Variants in RASAL2 observed in about 807,000 individuals in gnomAD.
The protein encoded by RASAL2 is ras GTPase-activating protein nGAP.
In RASAL2, 58 loss-of-function variants were observed where a neutral mutation model predicts 128.9. The observed-to-expected ratio is 0.45, with a 90% CI of 0.36 to 0.56. The LOEUF is 0.56. RASAL2 is among the 20% of genes least tolerant of loss of function. The probability of loss-of-function intolerance (pLI) is 0.00; values close to 1 mark genes in which losing one functional copy is unlikely to be tolerated. For missense variants in RASAL2, 1,360 were observed against 1,601.6 expected, an observed-to-expected ratio of 0.85 and a Z score of 2.57; for synonymous variants, 561 against 580.8, an observed-to-expected ratio of 0.97 and a Z score of 0.49.
chr1:178,320,388 C>G (rs1462842863), intron 3 of RASAL2, among the ~76,000 whole-genome samples: 2 of 152,244 alleles, frequency 1.3e-5, no homozygotes, highest in Non-Finnish European at 2.9e-5. Context: ...CACCCTCCCC[C>G]AGCCTCGCTG....
At chr1:178,265,048 A>G (rs1469970680) in intron 1 of RASAL2, among the ~76,000 whole-genome samples, 2 of 152,210 alleles carry the variant, frequency 1.3e-5, no homozygotes, top group East Asian at 3.8e-4. Context: ...GTTCTGTGCT[A>G]GGAACCGGGG....
chr1:178,333,060 G>A lies in RASAL2; in HGVS notation c.457+32942G>A, dbSNP rs929960541. ...TAATTTTTTTTTGAGACGGAGTCTC[G>A]CTCTATCGCCCAGGCTGGAGTGCAG... On this transcript the variant is annotated intron_variant, in intron 3 of 17. Coordinates refer to ENST00000367649, the MANE Select transcript of RASAL2 (RefSeq NM_170692.4). Among the ~76,000 whole-genome samples, 13 of 150,444 alleles carry A rather than the reference G, an allele frequency of 8.6e-5. No homozygotes were observed. The South Asian group carries it at 2.8e-3, about 32-fold the overall frequency.
chr1:178,455,015 T>C (rs1572105567), intron 12 of RASAL2, among the ~76,000 whole-genome samples: 1 of 152,110 alleles, frequency 6.6e-6, no homozygotes, highest in East Asian at 1.9e-4. Flanking sequence ...AATAAAAGTA[T>C]AGATTTAGCT....
chr1:178,364,095 C>CAAAAAAA (rs1331381002), intron 3 of RASAL2, among the ~76,000 whole-genome samples: 3 of 108,252 alleles, frequency 2.8e-5, no homozygotes, highest in African/African-American at 9.8e-5. Flanking sequence ...GACTCCATCT[C>CAAAAAAA]AAAAAAAAAA....
At chr1:178,395,939 T>C (rs555657995) in intron 4 of RASAL2, among the ~76,000 whole-genome samples, 1 of 151,906 alleles carries the variant, frequency 6.6e-6, no homozygotes, top group East Asian at 1.9e-4. Flanking sequence ...CTTTAAGTCA[T>C]TTTGTAATCA....
At chr1:178,145,239 C>A (rs1313575876) in intron 1 of RASAL2, among the ~76,000 whole-genome samples, 1 of 152,024 alleles carries the variant, frequency 6.6e-6, no homozygotes, top group Non-Finnish European at 1.5e-5. Context: ...GCATTTGACT[C>A]ATTTGGGACT....
intron 9 of RASAL2, among the ~76,000 whole-genome samples, chr1:178,448,346 G>T (rs1359568126): frequency 6.6e-6 from 1 of 152,198 alleles, no homozygotes; most frequent in East Asian, 1.9e-4. Context: ...GCTCACACTG[G>T]TTTCAGGAGG....
chr1:178,155,905 CT>C (rs1661069121), intron 1 of RASAL2, among the ~76,000 whole-genome samples: 1 of 152,156 alleles, frequency 6.6e-6, no homozygotes. Flanking sequence ...AATTAGTAAT[CT>C]GCTATTTGAG....
intron 2 of RASAL2, among the ~76,000 whole-genome samples, chr1:178,284,344 G>C (rs906476902): frequency 2.0e-5 from 3 of 152,180 alleles, no homozygotes; most frequent in African/African-American, 7.2e-5. Context: ...CTTTTCTTCT[G>C]CCTTCTGATT....
chr1:178,144,511 A>G (rs1047771792), intron 1 of RASAL2, among the ~76,000 whole-genome samples: 11 of 152,222 alleles, frequency 7.2e-5, no homozygotes, highest in African/African-American at 2.7e-4. Flanking sequence ...AATACTGTGT[A>G]TCATCACTGT....
chr1:178,326,090 G>A (rs1365427841), intron 3 of RASAL2, among the ~76,000 whole-genome samples: 2 of 152,068 alleles, frequency 1.3e-5, no homozygotes, highest in African/African-American at 2.4e-5. Context: ...ACTCCAGCCT[G>A]GGTGACAGAG....
chr1:178,260,381 T>A (rs865979853), intron 1 of RASAL2, among the ~76,000 whole-genome samples: 748 of 11,178 alleles, frequency 0.067, 194 homozygotes, highest in African/African-American at 0.12. Context: ...TATATATATA[T>A]ATATATATAT....
At chr1:178,205,538 C>T (rs913377258) in intron 1 of RASAL2, among the ~76,000 whole-genome samples, 5 of 151,800 alleles carry the variant, frequency 3.3e-5, no homozygotes, top group South Asian at 2.1e-4. Flanking sequence ...GGGCTGATCA[C>T]GACGTCAGGA....
chr1:178,164,867 A>G (rs1026339263), intron 1 of RASAL2, among the ~76,000 whole-genome samples: 15 of 139,540 alleles, frequency 1.1e-4, no homozygotes, highest in East Asian at 6.3e-4. Context: ...GTGTGTGTGT[A>G]TACAGTGGGC....
chr1:178,156,941 T>C (rs1206794255), intron 1 of RASAL2, among the ~76,000 whole-genome samples: 1 of 152,210 alleles, frequency 6.6e-6, no homozygotes, highest in Non-Finnish European at 1.5e-5. Context: ...ATCAATAATG[T>C]ATTATTTAAT....
chr1:178,161,457 T>C (rs1661292550), intron 1 of RASAL2, among the ~76,000 whole-genome samples: 2 of 152,240 alleles, frequency 1.3e-5, no homozygotes, highest in African/African-American at 4.8e-5. Context: ...AATACTATAT[T>C]ATTTCATTTT....
At chr1:178,383,297 T>C (rs1382166763) in intron 3 of RASAL2, among the ~76,000 whole-genome samples, 1 of 152,170 alleles carries the variant, frequency 6.6e-6, no homozygotes, top group African/African-American at 2.4e-5. Context: ...TTAAAGTGGC[T>C]CTGGGGATTT....
intron 1 of RASAL2, among the ~76,000 whole-genome samples, chr1:178,150,551 G>A (rs2770156): frequency 0.95 from 145,334 of 152,262 alleles, 69,714 homozygotes; most frequent in East Asian, 1. Flanking sequence ...ATAAAATGTT[G>A]TCTATTGTTA....
intron 2 of RASAL2, among the ~76,000 whole-genome samples, chr1:178,284,637 A>C (rs983835921): frequency 1.5e-4 from 23 of 152,166 alleles, no homozygotes; most frequent in African/African-American, 5.3e-4. Flanking sequence ...CAGCTATCTC[A>C]TTTATTTGCT....
Sources: allele counts gnomAD v4.1 joint callset (sites outside exome capture counted in the v4.1 genomes callset), GRCh38; gene constraint gnomAD v4.1.1; transcripts MANE v1.5; gene names NCBI Gene and HGNC (gene_info 2026-07-23, HGNC 2026-07-21).